Variants in TRAF3IP2 observed in about 807,000 individuals in gnomAD.
The protein encoded by TRAF3IP2 is TRAF3 interacting protein 2, also known as E3 ubiquitin ligase TRAF3IP2.
Under a neutral mutation model 57.9 loss-of-function variants are expected in TRAF3IP2, and 35 were observed. The ratio of observed to expected loss-of-function variants is 0.60; its 90% CI spans 0.46 to 0.80. The LOEUF (loss-of-function observed/expected upper bound fraction) is 0.80. Among genes scored for constraint, TRAF3IP2 ranks in the 30% least tolerant of loss-of-function variants. The pLI is 0.00. For missense variants in TRAF3IP2, 556 were observed against 706.4 expected (o/e 0.79, Z 2.41); for synonymous variants, 251 against 268.9 (o/e 0.93, Z 0.65).
Position 111,563,146 on chromosome 6 carries a change from C to T in TRAF3IP2, c.1477-107G>A, listed in dbSNP as rs1425453868. Reference sequence around the variant, plus strand: ...TGGCATTTTTATTCTGATTTCCATACTTGAGTGCCACACACTTAACATTTT... The same window carrying T: ...TGGCATTTTTATTCTGATTTCCATATTTGAGTGCCACACACTTAACATTTT... On this transcript the variant is annotated intron_variant, in intron 7 of 8. Transcript: ENST00000368761. The T allele has an allele frequency of 9.0e-6, 7 of 780,210 alleles. No individual in the cohort carries two copies. The Admixed American group carries it at 1.3e-4, about 14-fold the overall frequency. 48.3% of individuals were successfully genotyped at this position (780,210 alleles called of 1,614,324 possible).
chr6:111,594,313 G>C lies in TRAF3IP2; in HGVS notation c.-8-2219C>G, dbSNP rs73764468. Among the ~76,000 whole-genome samples the C allele has an allele frequency of 3.9e-5, 6 of 152,186 alleles. No homozygotes were observed. The South Asian group carries it at 1.2e-3, about 32-fold the overall frequency. On this transcript the variant is annotated intron_variant, in intron 1 of 8. Transcript: ENST00000368761. ...GCACTTGTGGGCACACAGCTGAATG[G>C]GAGGCAAAGAGATGCAAAAAGTGAG...
chr6:111,573,098 G>A lies in TRAF3IP2; in HGVS notation c.1202-115C>T, dbSNP rs537131726. On this transcript the variant is annotated intron_variant, in intron 4 of 8. Coordinates refer to ENST00000368761, the MANE Select transcript of TRAF3IP2 (RefSeq NM_147686.4). ...TCTAGAATAATAAGAGGAAACCTTG[G>A]GCTTGGGGTGCTCTAAGAGCTTATG... 6.5e-5 allele frequency: 54 copies of A among 832,780 alleles called. No homozygotes were observed. The African/African-American group carries it at 8.1e-4, about 12-fold the overall frequency. The allele number at this position is 832,780 out of a possible 1,614,324, so 51.6% of individuals were successfully genotyped here. A position where few individuals can be genotyped will look rare whatever the true frequency, so the allele number is the denominator to read the frequency against.
Position 111,591,642 on chromosome 6 carries a change from A to C in TRAF3IP2, c.445T>G (p.Ser149Ala). Residue 149 changes from serine (S) to alanine (A), a missense_variant, in exon 2 of 9, where the codon TCT becomes GCT. By Grantham distance (99) the Ser-to-Ala change is moderately conservative (BLOSUM62 1). Around this residue, in one of 2 missense-constraint regions of TRAF3IP2, gnomAD observed 428 missense variants for 498.7 expected, o/e 0.86. Coordinates refer to ENST00000368761, the MANE Select transcript of TRAF3IP2 (RefSeq NM_147686.4). The surrounding 1 kb of genome is among the most constrained non-coding windows in gnomAD (Gnocchi z 4.9). ...TCTGAGTCATGGCCAGTGTCAGGAG[A>C]AGCCGCTGAAAGCTGAGATACCAGC... ...QWLVSQLSAA[S>A]PDTGHDSDKS... 6.2e-7 allele frequency: 1 copy of C among 1,614,190 alleles called. No homozygotes were observed. The highest frequency in any genetic ancestry group is 8.5e-7 in the Non-Finnish European group (1 of 1,180,050).
chr6:111,560,921 G>A (rs1342890772), intron 8 of TRAF3IP2, among the ~76,000 whole-genome samples: 2 of 152,166 alleles, frequency 1.3e-5, no homozygotes, highest in African/African-American at 2.4e-5. Flanking sequence ...AGTGGCTCAC[G>A]CCTGTAATCC....
At chr6:111,595,426 A>G (rs1183841925) in intron 1 of TRAF3IP2, among the ~76,000 whole-genome samples, 1 of 152,230 alleles carries the variant, frequency 6.6e-6, no homozygotes, top group Non-Finnish European at 1.5e-5. Context: ...ACAGAACTCA[A>G]CTATGTGTCC....
intron 5 of TRAF3IP2, among the ~76,000 whole-genome samples, chr6:111,568,567 T>C (rs1255392996): frequency 6.6e-6 from 1 of 151,330 alleles, no homozygotes; most frequent in Non-Finnish European, 1.5e-5. Flanking sequence ...TCAGGGAGAG[T>C]GTCCCTGGGG....
intron 1 of TRAF3IP2, chr6:111,601,695 C>G (rs1796869749): frequency 1.3e-5 from 2 of 152,464 alleles, no homozygotes; most frequent in South Asian, 2.1e-4. Flanking sequence ...AGACACACAG[C>G]ATGAATATTT....
At position 111,563,387 on chromosome 6, in the gene TRAF3IP2, G is replaced by A. The variant is rs58549041; in HGVS notation, c.1477-348C>T. 5.1e-3 allele frequency among the ~76,000 whole-genome samples: 774 copies of A among 152,070 alleles called. 4 individuals carry two copies. The highest frequency in any genetic ancestry group is 0.018 in the African/African-American group (730 of 41,354). The stretch of plus-strand genomic sequence containing the variant: ...TTCACACTGATAGCTTGAAATTGGC[G>A]ATGGTATTGGAGAGTATTTATACCA... On this transcript the variant is annotated intron_variant, in intron 7 of 8. Coordinates refer to ENST00000368761, the MANE Select transcript of TRAF3IP2 (RefSeq NM_147686.4).
intron 8 of TRAF3IP2, 33 bp from the exon 9 acceptor site, chr6:111,559,584 A>T (rs779881141): frequency 6.2e-7 from 1 of 1,604,432 alleles, no homozygotes; most frequent in Non-Finnish European, 8.5e-7. Context: ...AGCAAAGGTC[A>T]TTAGAGAAAA....
In TRAF3IP2 at chr6:111,558,236, T is replaced by C. The variant is rs534677312; in HGVS notation, c.*1169A>G. On this transcript the variant is annotated 3_prime_UTR_variant, in exon 9 of 9. Transcript: ENST00000368761. The stretch of plus-strand genomic sequence containing the variant: ...ATCTAAGAAAAGTTAAAGGACTTGC[T>C]AAAGGTCATACAGCTAATTGGTGGT... 1 of 152,292 alleles carries C rather than the reference T, an allele frequency of 6.6e-6. No homozygotes were observed. Among genetic ancestry groups the C allele is most frequent in the South Asian group, 2.1e-4 (1 of 4,828 alleles). 9.4% of individuals were successfully genotyped at this position (152,292 alleles called of 1,614,324 possible). A position where few individuals can be genotyped will look rare whatever the true frequency, so the allele number is the denominator to read the frequency against.
intron 2 of TRAF3IP2, among the ~76,000 whole-genome samples, chr6:111,583,891 G>A (rs1037250003): frequency 1.3e-5 from 2 of 151,940 alleles, no homozygotes; most frequent in African/African-American, 2.4e-5. Flanking sequence ...TGGTTTAATC[G>A]GTGTCTCCCT....
chr6:111,586,810 T>A (rs1455383195), intron 2 of TRAF3IP2, among the ~76,000 whole-genome samples: 1 of 152,150 alleles, frequency 6.6e-6, no homozygotes, highest in Non-Finnish European at 1.5e-5. Flanking sequence ...ACACCTGCCA[T>A]GAATGCTTAA....
intron 5 of TRAF3IP2, among the ~76,000 whole-genome samples, chr6:111,568,914 A>G (rs1283559556): frequency 6.6e-6 from 1 of 152,130 alleles, no homozygotes; most frequent in Non-Finnish European, 1.5e-5. Flanking sequence ...CATTGTGACC[A>G]CTAATGATAC....
At chr6:111,559,580 G>T in intron 8 of TRAF3IP2, 29 bp from the exon 9 acceptor site, 1 of 1,605,484 alleles carries the variant, frequency 6.2e-7, no homozygotes, top group Non-Finnish European at 8.5e-7. Flanking sequence ...CAGGAGCAAA[G>T]GTCATTAGAG....
chr6:111,565,708 A>C (rs1256433345), intron 7 of TRAF3IP2, among the ~76,000 whole-genome samples: 2 of 152,164 alleles, frequency 1.3e-5, no homozygotes, highest in African/African-American at 2.4e-5. Context: ...TTTCGGTCAG[A>C]ATGTTCTAGT....
chr6:111,585,817 A>C (rs1323475609), intron 2 of TRAF3IP2, among the ~76,000 whole-genome samples: 1 of 152,148 alleles, frequency 6.6e-6, no homozygotes, highest in Non-Finnish European at 1.5e-5. Flanking sequence ...CAAAAATGAA[A>C]ATCTTGCACA....
chr6:111,571,728 C>A (rs1024007187), intron 5 of TRAF3IP2, among the ~76,000 whole-genome samples: 1 of 151,870 alleles, frequency 6.6e-6, no homozygotes, highest in Non-Finnish European at 1.5e-5. Flanking sequence ...AGTTCGAGAC[C>A]AGCCTGGCCA....
chr6:111,564,069 A>T, intron 7 of TRAF3IP2, among the ~76,000 whole-genome samples: 1 of 152,162 alleles, frequency 6.6e-6, no homozygotes, highest in South Asian at 2.1e-4. Context: ...GCATGGAAAT[A>T]ACAGAACAGA....
chr6:111,605,702 A>G (rs1006641463), intron 1 of TRAF3IP2, 74 bp downstream of exon 1: 1 of 152,410 alleles, frequency 6.6e-6, no homozygotes, highest in Non-Finnish European at 1.5e-5. Context: ...AGTAAAGGAG[A>G]AACAGCGTGC....
Sources: gnomAD v4.1 joint callset for allele counts (sites outside exome capture counted in the v4.1 genomes callset) on GRCh38, gnomAD v4.1.1 for gene constraint, gnomAD v4.1.1 regional missense constraint, Gnocchi (gnomAD v3.1) non-coding constraint, MANE v1.5 for transcripts, NCBI Gene and HGNC (gene_info 2026-07-23, HGNC 2026-07-21) for gene names.